MBTD1: variants seen among roughly 807,000 people sequenced by gnomAD.
MBTD1 encodes the protein MBT domain-containing protein 1.
A neutral mutation model predicts 87.8 loss-of-function variants in MBTD1; 24 were observed. That is an observed-to-expected ratio of 0.27 (90% CI 0.20 to 0.38). The LOEUF (loss-of-function observed/expected upper bound fraction) is 0.38, where lower values mean the gene tolerates loss of function less well. Ranked by LOEUF, MBTD1 falls within the 10% of genes least tolerant of loss-of-function variation. The probability of loss-of-function intolerance (pLI) is 1.00; values close to 1 mark genes in which losing one functional copy is unlikely to be tolerated. For synonymous variants in MBTD1, 237 were observed against 248.6 expected, an observed-to-expected ratio of 0.95 and a Z score of 0.44; for missense variants, 436 against 760.2, an observed-to-expected ratio of 0.57 and a Z score of 5.02.
At chr17:51,194,566 C>CAAAAAAAAAAAAAAAAAAAAAA (rs71355733) in intron 13 of MBTD1, among the ~76,000 whole-genome samples, 1 of 19,734 alleles carries the variant, frequency 5.1e-5, no homozygotes, top group African/African-American at 2.6e-4. Flanking sequence ...GAGACTGTCT[C>CAAAAAAAAAAAAAAAAAAAAAA]AAAAAAAAAA....
chr17:51,207,838 TAAATC>T (rs1217681294), intron 6 of MBTD1, among the ~76,000 whole-genome samples: 1 of 152,206 alleles, frequency 6.6e-6, no homozygotes, highest in African/African-American at 2.4e-5. Context: ...AATGGTAAAT[TAAATC>T]AAATAAGCAA....
intron 6 of MBTD1, among the ~76,000 whole-genome samples, chr17:51,209,116 G>A (rs1268374885): frequency 6.6e-6 from 1 of 152,208 alleles, no homozygotes; most frequent in East Asian, 1.9e-4. Flanking sequence ...AAATAACACG[G>A]TAATTTCATA....
intron 13 of MBTD1, among the ~76,000 whole-genome samples, chr17:51,194,282 A>G (rs2050958127): frequency 6.6e-6 from 1 of 152,198 alleles, no homozygotes; most frequent in Non-Finnish European, 1.5e-5. Context: ...TTAAAAGTCC[A>G]CATAGGGCTG....
intron 2 of MBTD1, chr17:51,250,619 A>G (rs556067699): frequency 6.6e-6 from 1 of 152,146 alleles, no homozygotes; most frequent in Non-Finnish European, 1.5e-5. Flanking sequence ...CCTCTATGTC[A>G]CGTCTTTGCC....
In MBTD1 at chr17:51,215,574, T is replaced by C. The variant is rs183120277; in HGVS notation, c.486+1760A>G. 3.4e-4 allele frequency among the ~76,000 whole-genome samples: 52 copies of C among 152,302 alleles called. No homozygotes were observed. The East Asian group carries it at 8.1e-3, about 24-fold the overall frequency. ...TGAGAACTTAATCTAATTCTGAGCGTCAAGAAAGCAATATCCCAAGAGAAG... is the reference window on the plus strand; with the variant it reads ...TGAGAACTTAATCTAATTCTGAGCGCCAAGAAAGCAATATCCCAAGAGAAG... On this transcript the variant is annotated intron_variant, in intron 6 of 16. Coordinates refer to ENST00000586178, the MANE Select transcript of MBTD1 (RefSeq NM_017643.3).
At chr17:51,212,368 AG>A (rs2052290889) in intron 6 of MBTD1, among the ~76,000 whole-genome samples, 1 of 147,410 alleles carries the variant, frequency 6.8e-6, no homozygotes, top group Admixed American at 6.8e-5. Flanking sequence ...AAAAAAAAAA[AG>A]AAAAGAAAAG....
intron 16 of MBTD1, chr17:51,186,395 T>A (rs969479903): frequency 6.6e-6 from 1 of 152,036 alleles, no homozygotes; most frequent in Non-Finnish European, 1.5e-5. Context: ...TTGGGGGAGA[T>A]TGTTTCTACT....
rs184038317 is a variant in MBTD1 at position 51,181,268 on chromosome 17, G to A, written c.1769-574C>T. 2.4e-3 allele frequency among the ~76,000 whole-genome samples: 362 copies of A among 152,072 alleles called. 1 individual carries two copies. Among genetic ancestry groups the A allele is most frequent in the African/African-American group, 7.9e-3 (329 of 41,508 alleles). Reference sequence around the variant, plus strand: ...TCTTGATCTCTTGACCTTGTGATCCGCCCACCTCAGCCTCCCAAAGTGCTG... The same window carrying A: ...TCTTGATCTCTTGACCTTGTGATCCACCCACCTCAGCCTCCCAAAGTGCTG... On this transcript the variant is annotated intron_variant, in intron 16 of 16. Transcript: ENST00000586178.
intron 4 of MBTD1, 56 bp downstream of exon 4, chr17:51,220,274 A>T: frequency 6.7e-7 from 1 of 1,484,000 alleles, no homozygotes; most frequent in Non-Finnish European, 9.1e-7. Context: ...ATGACAGATA[A>T]ATGGCAAAAG....
chr17:51,195,438 G>A, intron 12 of MBTD1, 77 bp from the exon 13 acceptor site: 1 of 1,221,850 alleles, frequency 8.2e-7, no homozygotes, highest in Non-Finnish European at 1.1e-6. Flanking sequence ...CATTCTAAAA[G>A]AAAGGAAAAT....
chr17:51,182,462 T>C (rs2050357823), intron 16 of MBTD1, among the ~76,000 whole-genome samples: 1 of 152,156 alleles, frequency 6.6e-6, no homozygotes, highest in Non-Finnish European at 1.5e-5. Context: ...CACATTTGAC[T>C]GAATATTTCG....
chr17:51,211,502 T>C (rs1285945377), intron 6 of MBTD1, among the ~76,000 whole-genome samples: 2 of 102,420 alleles, frequency 2.0e-5, no homozygotes, highest in Non-Finnish European at 4.0e-5. Flanking sequence ...AGTGAGACTG[T>C]TTAAAAAAAA....
intron 3 of MBTD1, among the ~76,000 whole-genome samples, chr17:51,223,664 T>C (rs1017528205): frequency 5.3e-5 from 8 of 152,226 alleles, no homozygotes; most frequent in Admixed American, 2.6e-4. Context: ...GGTGAAACCC[T>C]ATCTTTACTA....
At position 51,192,264 on chromosome 17, in the gene MBTD1, T is replaced by A; in HGVS notation, c.1707A>T (p.Gln569His). ...TTTTCTTCTGTTTTGATGAAGCTGATTGGTTTTCTCTTGATGCTGAAAAAT... is the reference window on the plus strand; with the variant it reads ...TTTTCTTCTGTTTTGATGAAGCTGAATGGTTTTCTCTTGATGCTGAAAAAT... ...PPASQSSRENQSASSKQKKKA... is the reference protein window; with the variant it reads ...PPASQSSRENHSASSKQKKKA... The change falls in exon 16 of 17, where the codon CAA becomes CAT. Residue 569 changes from glutamine (Q) to histidine (H), a missense_variant. This residue lies in a region of MBTD1 where 80 missense variants were observed against 182.2 expected (regional missense o/e 0.44). Transcript: ENST00000586178. 1 of 1,551,118 alleles carries A rather than the reference T, an allele frequency of 6.4e-7. No homozygotes were observed. Among genetic ancestry groups the A allele is most frequent in the Non-Finnish European group, 8.7e-7 (1 of 1,146,690 alleles).
chr17:51,224,906 C>T, intron 3 of MBTD1, 102 bp downstream of exon 3: 1 of 649,216 alleles, frequency 1.5e-6, no homozygotes, highest in Non-Finnish European at 2.3e-6. Flanking sequence ...CTTCAAACTG[C>T]CCCTTAATAA....
intron 2 of MBTD1, chr17:51,256,762 T>G (rs1218517560): frequency 6.6e-6 from 1 of 152,220 alleles, no homozygotes; most frequent in African/African-American, 2.4e-5. Flanking sequence ...ACAGCAAAGA[T>G]ATAGGAAATT....
chr17:51,191,331 G>A (rs1005708704), intron 16 of MBTD1, among the ~76,000 whole-genome samples: 11 of 147,736 alleles, frequency 7.4e-5, no homozygotes, highest in Admixed American at 2.0e-4. Flanking sequence ...GCACGATCTC[G>A]GCTCACCTCA....
Position 51,194,831 on chromosome 17 carries a change from C to T in MBTD1, c.1372+383G>A, listed in dbSNP as rs539559594. Among the ~76,000 whole-genome samples the T allele has an allele frequency of 6.9e-4, 104 of 151,222 alleles. No individual in the cohort carries two copies. In the East Asian group the frequency reaches 0.017, roughly 25 times the overall value. Reference sequence around the variant, plus strand: ...CCTTGGGCCCAGGAGTTGAAGTTACCGTGAGCTATGATTGTGCCACTGCAC... The same window carrying T: ...CCTTGGGCCCAGGAGTTGAAGTTACTGTGAGCTATGATTGTGCCACTGCAC... On this transcript the variant is annotated intron_variant, in intron 13 of 16. Coordinates refer to ENST00000586178, the MANE Select transcript of MBTD1 (RefSeq NM_017643.3).
intron 2 of MBTD1, 122 bp from the exon 3 acceptor site, chr17:51,225,331 C>T (rs989575812): frequency 4.3e-6 from 2 of 466,294 alleles, no homozygotes; most frequent in Admixed American, 8.4e-5. Flanking sequence ...GAGAAATAAC[C>T]ATTTTCTTTC....
Sources: gnomAD v4.1 joint callset for allele counts (sites outside exome capture counted in the v4.1 genomes callset) on GRCh38, gnomAD v4.1.1 for gene constraint, gnomAD v4.1.1 regional missense constraint, MANE v1.5 for transcripts, NCBI Gene and HGNC (gene_info 2026-07-23, HGNC 2026-07-21) for gene names.